NBEA: variants seen among roughly 807,000 people sequenced by gnomAD.
The protein encoded by NBEA is lysosomal-trafficking regulator 2.
Under a neutral mutation model 343.4 loss-of-function variants are expected in NBEA, and 44 were observed. The observed-to-expected ratio is 0.13, with a 90% CI of 0.10 to 0.16. The LOEUF is 0.16. Ranked by LOEUF, NBEA falls within the 10% of genes least tolerant of loss-of-function variation. The pLI is 1.00. For missense variants in NBEA, 2,555 were observed against 3,631.3 expected, an observed-to-expected ratio of 0.70 and a Z score of 7.62; for synonymous variants, 1,175 against 1,238.7, an observed-to-expected ratio of 0.95 and a Z score of 1.08.
intron 39 of NBEA, among the ~76,000 whole-genome samples, chr13:35,448,690 A>G (rs940897034): frequency 1.3e-5 from 2 of 152,188 alleles, no homozygotes; most frequent in African/African-American, 4.8e-5. Context: ...ATGCAGTAGC[A>G]GGGTTTACGA....
chr13:35,540,763 T>C (rs1330702361), intron 41 of NBEA, among the ~76,000 whole-genome samples: 1 of 152,174 alleles, frequency 6.6e-6, no homozygotes, highest in East Asian at 1.9e-4. Context: ...CCTCATTAAG[T>C]CCATTTTTTA....
At chr13:35,192,889 A>G (rs1272690992) in intron 30 of NBEA, among the ~76,000 whole-genome samples, 1 of 151,948 alleles carries the variant, frequency 6.6e-6, no homozygotes, top group Admixed American at 6.6e-5. Flanking sequence ...ATAGCTGTTA[A>G]TGTAACATGT....
intron 45 of NBEA, among the ~76,000 whole-genome samples, chr13:35,571,783 A>G (rs1301422076): frequency 1.3e-5 from 2 of 152,168 alleles, no homozygotes; most frequent in African/African-American, 2.4e-5. Flanking sequence ...TTTATCATCT[A>G]TTTGAGTTAT....
intron 41 of NBEA, among the ~76,000 whole-genome samples, chr13:35,484,453 T>G (rs1343652461): frequency 6.6e-6 from 1 of 152,002 alleles, no homozygotes; most frequent in African/African-American, 2.4e-5. Flanking sequence ...GCAATTTCAG[T>G]TCTTCATTTG....
At chr13:35,646,066 T>A in intron 50 of NBEA, 135 bp downstream of exon 50, 1 of 719,250 alleles carries the variant, frequency 1.4e-6, no homozygotes. Context: ...GAAGCATGTT[T>A]GGAAGGAGAA....
intron 47 of NBEA, among the ~76,000 whole-genome samples, chr13:35,600,220 G>A (rs2081987521): frequency 6.6e-6 from 1 of 152,170 alleles, no homozygotes; most frequent in Admixed American, 6.5e-5. Context: ...TGAAGATAAT[G>A]GGTAAGGCAG....
chr13:35,423,618 G>A (rs1269007833), intron 38 of NBEA, among the ~76,000 whole-genome samples: 5 of 152,172 alleles, frequency 3.3e-5, no homozygotes, highest in African/African-American at 1.2e-4. Flanking sequence ...GCTTAGGATT[G>A]ACTTGGCGAT....
At chr13:35,164,592 C>A in intron 24 of NBEA, 83 bp downstream of exon 24, 1 of 1,394,622 alleles carries the variant, frequency 7.2e-7, no homozygotes, top group Non-Finnish European at 9.8e-7. Flanking sequence ...GCTATAAACA[C>A]ATTTTAACCA....
At chr13:35,409,356 G>A (rs969494626) in intron 38 of NBEA, among the ~76,000 whole-genome samples, 5 of 152,038 alleles carry the variant, frequency 3.3e-5, no homozygotes, top group Non-Finnish European at 5.9e-5. Context: ...TGGAGGGTGG[G>A]AGAACAGAGA....
intron 36 of NBEA, among the ~76,000 whole-genome samples, chr13:35,330,889 A>G (rs988692750): frequency 6.6e-6 from 1 of 152,014 alleles, no homozygotes; most frequent in African/African-American, 2.4e-5. Context: ...TACATATACC[A>G]TCATTATGCC....
At chr13:35,560,350 A>G (rs563644041) in intron 44 of NBEA, among the ~76,000 whole-genome samples, 2 of 152,294 alleles carry the variant, frequency 1.3e-5, no homozygotes, top group South Asian at 4.1e-4. Flanking sequence ...ACAATTTTGT[A>G]ATTTTCTTTT....
intron 1 of NBEA, among the ~76,000 whole-genome samples, chr13:35,020,173 A>C (rs1566172127): frequency 1.3e-5 from 2 of 152,130 alleles, no homozygotes; most frequent in Non-Finnish European, 2.9e-5. Context: ...GCACTGTTTT[A>C]GCTATATCTA....
At chr13:35,607,491 A>AGT (rs2082327964) in intron 48 of NBEA, among the ~76,000 whole-genome samples, 2 of 152,214 alleles carry the variant, frequency 1.3e-5, no homozygotes, top group Admixed American at 6.5e-5. Flanking sequence ...ACCACTTTAC[A>AGT]AAACAGCCTC....
intron 1 of NBEA, among the ~76,000 whole-genome samples, chr13:34,992,262 A>ATATTT (rs1459023833): frequency 8.7e-6 from 1 of 114,366 alleles, no homozygotes; most frequent in Admixed American, 8.5e-5. Context: ...ATATATATAT[A>ATATTT]TTTTTTTTTT....
intron 38 of NBEA, among the ~76,000 whole-genome samples, chr13:35,404,260 C>G (rs974901975): frequency 1.3e-5 from 2 of 152,086 alleles, no homozygotes; most frequent in African/African-American, 2.4e-5. Flanking sequence ...TGGGTATATA[C>G]CCAAAGGACT....
rs370136759 is a variant in NBEA at position 35,583,927 on chromosome 13, T to A, written c.7065T>A (p.Ala2355=). 6.2e-6 allele frequency: 10 copies of A among 1,613,062 alleles called. No individual in the cohort carries two copies. The African/African-American group carries it at 1.3e-4, about 22-fold the overall frequency. Residue 2355 remains alanine, a synonymous_variant, in exon 46 of 59, where the codon GCT becomes GCA. Coordinates refer to ENST00000379939, the MANE Select transcript of NBEA (RefSeq NM_001385012.1). The stretch of plus-strand genomic sequence containing the variant: ...TTGGTGCTTTGAACCCCAAGAGAGC[T>A]GTGTTTTATGCAGAGCGTTATGAGA... ...KPIGALNPKR[A]VFYAERYETW...
chr13:35,620,953 T>G (rs1482740922), intron 48 of NBEA, among the ~76,000 whole-genome samples: 1 of 152,102 alleles, frequency 6.6e-6, no homozygotes, highest in Non-Finnish European at 1.5e-5. Flanking sequence ...AGCAGAACAT[T>G]TTAGAGAGTT....
chr13:35,586,494 T>G (rs1290726085), intron 46 of NBEA, among the ~76,000 whole-genome samples: 2 of 152,158 alleles, frequency 1.3e-5, no homozygotes, highest in Non-Finnish European at 2.9e-5. Flanking sequence ...AACTCTGTAA[T>G]GATAAACTAA....
chr13:35,568,666 G>A (rs2080249312), intron 45 of NBEA, among the ~76,000 whole-genome samples: 1 of 152,142 alleles, frequency 6.6e-6, no homozygotes, highest in Non-Finnish European at 1.5e-5. Flanking sequence ...GGACCAGAGT[G>A]TTTTGGATTT....
Sources: allele counts gnomAD v4.1 joint callset (sites outside exome capture counted in the v4.1 genomes callset), GRCh38; gene constraint gnomAD v4.1.1; transcripts MANE v1.5; gene names NCBI Gene and HGNC (gene_info 2026-07-23, HGNC 2026-07-21).